Variants in DYNC2H1 observed in about 807,000 individuals in gnomAD.
The protein encoded by DYNC2H1 is cytoplasmic dynein 2 heavy chain 1.
In DYNC2H1, 410 loss-of-function variants were observed where a neutral mutation model predicts 570.0. The ratio of observed to expected loss-of-function variants is 0.72; its 90% CI spans 0.66 to 0.78. The LOEUF (loss-of-function observed/expected upper bound fraction) is 0.78, where lower values mean the gene tolerates loss of function less well. Ranked by LOEUF, DYNC2H1 falls within the 30% of genes least tolerant of loss-of-function variation. The pLI is 0.00. For missense variants in DYNC2H1, 4,865 were observed against 5,046.4 expected (o/e 0.96, Z 1.09); for synonymous variants, 1,688 against 1,677.6 (o/e 1.01, Z -0.15).
At position 103,157,893 on chromosome 11, in the gene DYNC2H1, G is replaced by A. The variant is rs895819220; in HGVS notation, c.4128-784G>A. On this transcript the variant is annotated intron_variant, in intron 26 of 88. Transcript: ENST00000375735. This position sits in a 1 kb window ranked among gnomAD's most constrained non-coding sequence, Gnocchi z 4.2. ...TAGTGACTCTAGCTTTTAGTTTCTC[G>A]GTCATACCTATCTTCTTCCCAGAAT... 1.3e-5 allele frequency among the ~76,000 whole-genome samples: 2 copies of A among 151,644 alleles called. No individual in the cohort carries two copies. Among genetic ancestry groups the A allele is most frequent in the East Asian group, 1.9e-4 (1 of 5,152 alleles).
intron 63 of DYNC2H1, among the ~76,000 whole-genome samples, chr11:103,242,474 C>T (rs754242762): frequency 2.0e-5 from 3 of 152,118 alleles, no homozygotes; most frequent in Non-Finnish European, 4.4e-5. Context: ...TGCTGTACCC[C>T]ATTCTAAGTT....
intron 29 of DYNC2H1, among the ~76,000 whole-genome samples, chr11:103,161,429 G>A (rs1167132798): frequency 2.6e-5 from 4 of 152,086 alleles, no homozygotes; most frequent in Admixed American, 6.6e-5. Context: ...AAGTGTTTCA[G>A]ATTTCAGATT....
rs1398883050 is a variant in DYNC2H1 at position 103,264,032 on chromosome 11, G to A, written c.10695+4055G>A. 3.3e-5 allele frequency among the ~76,000 whole-genome samples: 5 copies of A among 152,112 alleles called. No individual in the cohort carries two copies. In the East Asian group the frequency reaches 9.7e-4, roughly 29 times the overall value. ...AAATGATAAAGGGGATATCACCACCGATCCCACAGAAATACAAACTACCAT... is the reference window on the plus strand; with the variant it reads ...AAATGATAAAGGGGATATCACCACCAATCCCACAGAAATACAAACTACCAT... On this transcript the variant is annotated intron_variant, in intron 70 of 88. Coordinates refer to ENST00000375735, the MANE Select transcript of DYNC2H1 (RefSeq NM_001377.3). This position sits in a 1 kb window ranked among gnomAD's most constrained non-coding sequence, Gnocchi z 4.8.
rs1320498788 is a variant in DYNC2H1, at chr11:103,362,350, A to G, written c.12156+3991A>G. On this transcript the variant is annotated intron_variant, in intron 83 of 88. Transcript: ENST00000375735. ...TTTTTTTTCTTTTTTTTTTTTTTTT[A>G]GCTATAGGATCTTGATGTAACCACT... Among the ~76,000 whole-genome samples, 357 of 72,572 alleles carry G rather than the reference A, an allele frequency of 4.9e-3. 5 individuals are homozygous for G. The highest frequency in any genetic ancestry group is 0.019 in the African/African-American group (330 of 17,768). 47.6% of individuals were successfully genotyped at this position (72,572 alleles called of 152,430 possible). A position where few individuals can be genotyped will look rare whatever the true frequency, so the allele number is the denominator to read the frequency against.
chr11:103,458,820 C>A (rs1944889598), intron 87 of DYNC2H1, among the ~76,000 whole-genome samples: 1 of 152,036 alleles, frequency 6.6e-6, no homozygotes, highest in South Asian at 2.1e-4. Context: ...CTTGCCATTC[C>A]TCTTTCCCAT....
At chr11:103,286,474 G>A in intron 74 of DYNC2H1, 88 bp downstream of exon 74, 4 of 1,468,936 alleles carry the variant, frequency 2.7e-6, no homozygotes, top group Non-Finnish European at 1.8e-6. Context: ...TTTGCTTTTA[G>A]AGTGTTACTT....
intron 59 of DYNC2H1, among the ~76,000 whole-genome samples, chr11:103,224,826 A>G (rs767756169): frequency 5.9e-5 from 9 of 152,214 alleles, no homozygotes; most frequent in Non-Finnish European, 1.5e-5. Flanking sequence ...GAATCTCCAC[A>G]CTGTTTTCCA....
rs182957086 is a variant in DYNC2H1, at chr11:103,220,829, C to T, written c.9107+46C>T. 233 of 1,522,640 alleles carry T rather than the reference C, an allele frequency of 1.5e-4. 2 individuals are homozygous for T. The Admixed American group carries it at 4.2e-3, about 28-fold the overall frequency. The allele number at this position is 1,522,640 out of a possible 1,614,324, so 94.3% of individuals were successfully genotyped here. On this transcript the variant is annotated intron_variant, in intron 57 of 88. Coordinates refer to ENST00000375735, the MANE Select transcript of DYNC2H1 (RefSeq NM_001377.3). Reference sequence around the variant, plus strand: ...AAAATATTATTTCGGCAATGAATGACACATTCTTTCGTAGTTTTAAATATT... The same window carrying T: ...AAAATATTATTTCGGCAATGAATGATACATTCTTTCGTAGTTTTAAATATT...
At chr11:103,331,931 G>A (rs555905493) in intron 82 of DYNC2H1, among the ~76,000 whole-genome samples, 32 of 152,094 alleles carry the variant, frequency 2.1e-4, no homozygotes, top group African/African-American at 7.2e-4. Flanking sequence ...GTGGTGGCAC[G>A]TGCCTGTAGT....
chr11:103,166,740 A>G (rs905028488), intron 31 of DYNC2H1, among the ~76,000 whole-genome samples: 3 of 151,978 alleles, frequency 2.0e-5, no homozygotes, highest in African/African-American at 7.2e-5. Context: ...TTCTGGCAGC[A>G]TTCAAGATTT....
In DYNC2H1 at chr11:103,323,932, G is replaced by A; in HGVS notation, c.11981G>A (p.Ser3994Asn). The A allele has an allele frequency of 6.2e-7, 1 of 1,612,898 alleles. No homozygotes were observed. Among genetic ancestry groups the A allele is most frequent in the South Asian group, 1.1e-5 (1 of 90,956 alleles). The change falls in exon 82 of 89, where the codon AGT becomes AAT. Residue 3994 changes from serine to asparagine, a missense_variant. Coordinates refer to ENST00000375735, the MANE Select transcript of DYNC2H1 (RefSeq NM_001377.3). ...IEKIPEDDKP[S>N]FFGLPANIAR... is the part of the protein sequence containing the mutation. ...AAAATTCCAGAGGACGACAAACCTA[G>A]TTTCTTTGGTCTGCCTGCCAATATC...
intron 84 of DYNC2H1, among the ~76,000 whole-genome samples, chr11:103,429,887 T>G (rs1276512150): frequency 6.6e-6 from 1 of 152,192 alleles, no homozygotes; most frequent in Non-Finnish European, 1.5e-5. Flanking sequence ...ATAAAAACCT[T>G]GTGCAACTGC....
chr11:103,256,129 T>C lies in DYNC2H1; in HGVS notation c.10350T>C (p.Asn3450=). 3.1e-6 allele frequency: 5 copies of C among 1,606,616 alleles called. No homozygotes were observed. The highest frequency in any genetic ancestry group is 4.3e-6 in the Non-Finnish European group (5 of 1,175,770). The change falls in exon 68 of 89, where the codon AAT becomes AAC. Residue 3450 remains asparagine (N), a synonymous_variant. Transcript: ENST00000375735. The surrounding 1 kb of genome is among the most constrained non-coding windows in gnomAD (Gnocchi z 4.0). ...AGACACTTGCCACATCTCAAGGCAA[T>C]ATTTTGGAAAATAAGGATTTGATTG... ...LLETLATSQG[N]ILENKDLIES... is the part of the protein sequence containing the mutation.
chr11:103,250,665 T>G (rs934589973), intron 65 of DYNC2H1, among the ~76,000 whole-genome samples: 1 of 152,144 alleles, frequency 6.6e-6, no homozygotes, highest in African/African-American at 2.4e-5. Flanking sequence ...TTTTCTAGAT[T>G]TTTGAAATGG....
chr11:103,241,641 T>G lies in DYNC2H1; in HGVS notation c.9820-2052T>G. ...GTGCTATTGAATGCTAGCATAAAAT[T>G]AGATCAAAAACCTAGGTGCAGCACC... On this transcript the variant is annotated intron_variant, in intron 63 of 88. Coordinates refer to ENST00000375735, the MANE Select transcript of DYNC2H1 (RefSeq NM_001377.3). The surrounding 1 kb of genome is among the most constrained non-coding windows in gnomAD (Gnocchi z 5.1). The G allele has an allele frequency of 2.7e-6, 3 of 1,096,198 alleles. No homozygotes were observed. The highest frequency in any genetic ancestry group is 3.9e-6 in the Non-Finnish European group (3 of 761,360). 67.9% of individuals were successfully genotyped at this position (1,096,198 alleles called of 1,614,324 possible).
At chr11:103,348,908 T>C (rs546321746) in intron 82 of DYNC2H1, among the ~76,000 whole-genome samples, 3 of 152,214 alleles carry the variant, frequency 2.0e-5, no homozygotes, top group African/African-American at 7.2e-5. Context: ...TATAAGGGGC[T>C]TTCCCCCACA....
At position 103,244,404 on chromosome 11, in the gene DYNC2H1, C is replaced by T. The variant is rs1386645950; in HGVS notation, c.9918+613C>T. Among the ~76,000 whole-genome samples, 1 of 151,418 alleles carries T rather than the reference C, an allele frequency of 6.6e-6. No homozygotes were observed. The highest frequency in any genetic ancestry group is 1.5e-5 in the Non-Finnish European group (1 of 67,768). On this transcript the variant is annotated intron_variant, in intron 64 of 88. Coordinates refer to ENST00000375735, the MANE Select transcript of DYNC2H1 (RefSeq NM_001377.3). This position sits in a 1 kb window ranked among gnomAD's most constrained non-coding sequence, Gnocchi z 4.3. ...ATGATTAATTTTCATAGATAATTTTCAGGTGTTTCAAAAATTACCTCTAAA... is the reference window on the plus strand; with the variant it reads ...ATGATTAATTTTCATAGATAATTTTTAGGTGTTTCAAAAATTACCTCTAAA...
intron 84 of DYNC2H1, among the ~76,000 whole-genome samples, chr11:103,412,443 T>C (rs1399795858): frequency 2.0e-5 from 3 of 152,178 alleles, no homozygotes; most frequent in Non-Finnish European, 4.4e-5. Flanking sequence ...TAATTTAAAA[T>C]ATACAGCAAA....
At chr11:103,316,957 G>T (rs1166131541) in intron 80 of DYNC2H1, among the ~76,000 whole-genome samples, 6 of 152,114 alleles carry the variant, frequency 3.9e-5, no homozygotes, top group African/African-American at 1.4e-4. Flanking sequence ...TAGTACCAAG[G>T]ATCTGTGGAG....
Sources: allele counts gnomAD v4.1 joint callset (sites outside exome capture counted in the v4.1 genomes callset), GRCh38; gene constraint gnomAD v4.1.1; non-coding constraint Gnocchi (gnomAD v3.1); transcripts MANE v1.5; gene names NCBI Gene and HGNC (gene_info 2026-07-23, HGNC 2026-07-21).